TRIM24: variants seen among roughly 807,000 people sequenced by gnomAD.
TRIM24 encodes the protein tripartite motif containing 24.
In TRIM24, 29 loss-of-function variants were observed where a neutral mutation model predicts 123.9. That is an observed-to-expected ratio of 0.23 (90% CI 0.17 to 0.32). The LOEUF (loss-of-function observed/expected upper bound fraction) is 0.32. Among genes scored for constraint, TRIM24 ranks in the 10% least tolerant of loss-of-function variants. The pLI, the probability that TRIM24 is intolerant of heterozygous loss-of-function variation, is 1.00. For missense variants in TRIM24, 932 were observed against 1,295.3 expected (o/e 0.72, Z 4.31); for synonymous variants, 456 against 461.1 (o/e 0.99, Z 0.14).
chr7:138,562,916 C>A (rs1370137467), intron 9 of TRIM24, among the ~76,000 whole-genome samples: 1 of 152,234 alleles, frequency 6.6e-6, no homozygotes, highest in South Asian at 2.1e-4. Context: ...CAGAGTAGGT[C>A]TCTCCCCAGC....
rs1584753276 is a variant in TRIM24 at position 138,585,293 on chromosome 7, A to G, written c.*342A>G. On this transcript the variant is annotated 3_prime_UTR_variant, in exon 19 of 19. Transcript: ENST00000343526. ...GGAGTGATAGCTACTGTAGAAAGGA[A>G]ATAGACTTTGTATGAACTCTTTAAG... 7.8e-6 allele frequency: 2 copies of G among 255,962 alleles called. No individual in the cohort carries two copies. The highest frequency in any genetic ancestry group is 1.2e-4 in the East Asian group (2 of 16,234). The allele number at this position is 255,962 out of a possible 1,614,324, so 15.9% of individuals were successfully genotyped here. A position where few individuals can be genotyped will look rare whatever the true frequency, so the allele number is the denominator to read the frequency against.
intron 2 of TRIM24, among the ~76,000 whole-genome samples, chr7:138,511,708 T>C (rs1796292017): frequency 6.6e-6 from 1 of 152,124 alleles, no homozygotes; most frequent in Non-Finnish European, 1.5e-5. Context: ...ACCTCCAGCA[T>C]TGGGGATTAC....
At chr7:138,565,190 G>A (rs1260351425) in intron 9 of TRIM24, among the ~76,000 whole-genome samples, 2 of 152,012 alleles carry the variant, frequency 1.3e-5, no homozygotes, top group African/African-American at 2.4e-5. Flanking sequence ...ACACTTCCCC[G>A]CTCCCAGTTC....
chr7:138,560,453 T>C lies in TRIM24; in HGVS notation c.1530+5487T>C, dbSNP rs543790285. Among the ~76,000 whole-genome samples the C allele has an allele frequency of 8.3e-4, 126 of 152,322 alleles. No individual in the cohort carries two copies. In the Middle Eastern group the frequency reaches 0.014, roughly 16 times the overall value. On this transcript the variant is annotated intron_variant, in intron 9 of 18. Coordinates refer to ENST00000343526, the MANE Select transcript of TRIM24 (RefSeq NM_015905.3). ...CAAGCACTAACATGTACGGATAGCC[T>C]CTGGCTCGGGGCAGCTCAGTGAAGT... is the stretch of plus-strand genomic sequence containing the variant.
intron 1 of TRIM24, among the ~76,000 whole-genome samples, chr7:138,479,827 A>AT (rs1257676428): frequency 2.1e-5 from 3 of 142,208 alleles, no homozygotes; most frequent in African/African-American, 5.2e-5. Flanking sequence ...TTTTAATTTT[A>AT]TTTTTTTTTG....
intron 1 of TRIM24, among the ~76,000 whole-genome samples, chr7:138,473,716 T>C (rs993717716): frequency 1.3e-5 from 2 of 152,262 alleles, no homozygotes; most frequent in African/African-American, 4.8e-5. Flanking sequence ...TTCTTTTCCA[T>C]TTATCTATCA....
intron 16 of TRIM24, among the ~76,000 whole-genome samples, 172 bp from the exon 17 acceptor site, chr7:138,581,525 C>T (rs561953270): frequency 2.6e-5 from 4 of 152,092 alleles, no homozygotes; most frequent in Non-Finnish European, 5.9e-5. Flanking sequence ...AGGGCCTGTT[C>T]CCAAATATTG....
rs376891041 is a variant in TRIM24 at position 138,574,692 on chromosome 7, TAC to T, written c.2014+1052_2014+1053del. On this transcript the variant is annotated intron_variant, in intron 12 of 18. Transcript: ENST00000343526. ...GAGAATGTGATGAGAGGTACTCTCA[TAC>T]ATAGGTGGAAGGGGTATGAGTTGGC... Among the ~76,000 whole-genome samples, 408 of 152,294 alleles carry T rather than the reference TAC, an allele frequency of 2.7e-3. 4 individuals carry two copies. The highest frequency in any genetic ancestry group is 9.2e-3 in the African/African-American group (383 of 41,566).
chr7:138,517,360 G>GTGTTTTGTTTTGTTTTGTTT (rs574134474), intron 3 of TRIM24, among the ~76,000 whole-genome samples: 15 of 151,644 alleles, frequency 9.9e-5, no homozygotes, highest in African/African-American at 3.6e-4. Context: ...TTGTGTGTGT[G>GTGTTTTGTTTTGTTTTGTTT]TGTTTTGTTT....
At chr7:138,473,496 A>T (rs1224564071) in intron 1 of TRIM24, among the ~76,000 whole-genome samples, 2 of 151,936 alleles carry the variant, frequency 1.3e-5, no homozygotes, top group Non-Finnish European at 2.9e-5. Context: ...AGATTTCTCC[A>T]CTCTAAAGCT....
intron 7 of TRIM24, among the ~76,000 whole-genome samples, chr7:138,543,838 TTG>T (rs1554441439): frequency 4.6e-5 from 7 of 151,080 alleles, no homozygotes; most frequent in South Asian, 2.1e-4. Flanking sequence ...TCTGTTTTTT[TTG>T]TTGTTGTTGT....
intron 15 of TRIM24, among the ~76,000 whole-genome samples, chr7:138,579,968 C>T (rs1036022268): frequency 2.0e-5 from 3 of 152,122 alleles, no homozygotes; most frequent in East Asian, 3.8e-4. Context: ...TTTAAATTAT[C>T]ACAAGGGATC....
At chr7:138,582,481 GC>G (rs1039362824) in intron 17 of TRIM24, among the ~76,000 whole-genome samples, 12 of 151,118 alleles carry the variant, frequency 7.9e-5, no homozygotes, top group African/African-American at 2.9e-4. Context: ...GGCGGAGCTT[GC>G]AGTGAGCCGA....
intron 11 of TRIM24, among the ~76,000 whole-genome samples, chr7:138,572,429 C>T (rs766121810): frequency 1.7e-4 from 22 of 128,276 alleles, no homozygotes; most frequent in Non-Finnish European, 2.8e-4. Flanking sequence ...CCACCTGGCC[C>T]GATTTCCCTG....
At position 138,537,379 on chromosome 7, in the gene TRIM24, G is replaced by GTTTTTTTTTTTTTTTTTT. The variant is rs71177994; in HGVS notation, c.997-1266_997-1249dup. Among the ~76,000 whole-genome samples the GTTTTTTTTTTTTTTTTTT allele has an allele frequency of 1.4e-4, 8 of 56,644 alleles. 1 individual carries two copies. Among genetic ancestry groups the GTTTTTTTTTTTTTTTTTT allele is most frequent in the Admixed American group, 3.0e-4 (1 of 3,316 alleles). The allele number at this position is 56,644 out of a possible 152,430, so 37.2% of individuals were successfully genotyped here. On this transcript the variant is annotated intron_variant, in intron 6 of 18. Coordinates refer to ENST00000343526, the MANE Select transcript of TRIM24 (RefSeq NM_015905.3). ...AACCACTCCTCCGCCACCCCTGTTT[G>GTTTTTTTTTTTTTTTTTT]TTTTTTTTTTTTTTTTTTTTTTTTT...
At chr7:138,532,837 A>ATCCATGAGCATGGAATGTTCT (rs1178155542) in intron 6 of TRIM24, among the ~76,000 whole-genome samples, 10 of 152,166 alleles carry the variant, frequency 6.6e-5, no homozygotes, top group Admixed American at 2.0e-4. Context: ...GATTCTTCCT[A>ATCCATGAGCATGGAATGTTCT]TCCATGAGCA....
rs980272106 is a variant in TRIM24, at chr7:138,499,523, G to A, written c.365-4767G>A. Among the ~76,000 whole-genome samples, 79 of 152,296 alleles carry A rather than the reference G, an allele frequency of 5.2e-4. 1 individual carries two copies. The highest frequency in any genetic ancestry group is 3.4e-3 in the Middle Eastern group (1 of 294). ...GCAGATGGTCTCTTGTCTGTGGATCGCAGCTAAGGGACCCAGGAAAGAAGG... is the reference window on the plus strand; with the variant it reads ...GCAGATGGTCTCTTGTCTGTGGATCACAGCTAAGGGACCCAGGAAAGAAGG... On this transcript the variant is annotated intron_variant, in intron 1 of 18. Transcript: ENST00000343526.
chr7:138,575,706 G>A (rs535455361), intron 12 of TRIM24, among the ~76,000 whole-genome samples: 1 of 151,822 alleles, frequency 6.6e-6, no homozygotes, highest in South Asian at 2.1e-4. Flanking sequence ...TCAATTATTT[G>A]CAACAGTTTT....
intron 7 of TRIM24, chr7:138,545,602 A>G (rs548129900): frequency 5.3e-5 from 24 of 450,630 alleles, no homozygotes; most frequent in South Asian, 3.6e-4. Flanking sequence ...TTATAGATGT[A>G]TATGTCCATC....
Sources: allele counts gnomAD v4.1 joint callset (sites outside exome capture counted in the v4.1 genomes callset), GRCh38; gene constraint gnomAD v4.1.1; transcripts MANE v1.5; gene names NCBI Gene and HGNC (gene_info 2026-07-23, HGNC 2026-07-21).